Variants in ADAM33 observed in about 807,000 individuals in gnomAD.
ADAM33 encodes the protein ADAM metallopeptidase domain 33.
A neutral mutation model predicts 106.2 loss-of-function variants in ADAM33; 103 were observed. The ratio of observed to expected loss-of-function variants is 0.97; its 90% CI spans 0.83 to 1.14. The LOEUF is 1.14. Ranked by LOEUF, ADAM33 falls within the 50% of genes most tolerant of loss-of-function variation. The pLI is 0.00. For missense variants in ADAM33, 1,120 were observed against 1,096.6 expected, an observed-to-expected ratio of 1.02 and a Z score of -0.30; for synonymous variants, 483 against 453.0, an observed-to-expected ratio of 1.07 and a Z score of -0.84.
chr20:3,670,827 G>C (rs1287337219), intron 19 of ADAM33, among the ~76,000 whole-genome samples, 179 bp downstream of exon 19: 1 of 152,140 alleles, frequency 6.6e-6, no homozygotes, highest in Non-Finnish European at 1.5e-5. Flanking sequence ...CCACCCCCTC[G>C]CTTGACTGGG....
At chr20:3,681,798 G>T in intron 1 of ADAM33, 110 bp downstream of exon 1, 1 of 1,424,434 alleles carries the variant, frequency 7.0e-7, no homozygotes, top group Non-Finnish European at 9.2e-7. Flanking sequence ...GTATGGTGCC[G>T]GGGCCGTGAG....
At position 3,674,250 on chromosome 20, in the gene ADAM33, AGGTACTTCC is replaced by A. The variant is rs2087784044; in HGVS notation, c.626_634del (p.Arg209_Tyr211del). 1 of 1,613,874 alleles carries A rather than the reference AGGTACTTCC, an allele frequency of 6.2e-7. No homozygotes were observed. Among genetic ancestry groups the A allele is most frequent in the Non-Finnish European group, 8.5e-7 (1 of 1,179,988 alleles). On this transcript the variant is annotated inframe_deletion, in exon 7 of 22. Transcript: ENST00000356518. ...GTGGTCTGCCACAATGTACAGTTCC[AGGTACTTCC>A]GGGTCCTGCGCGCTTCTCGCCTGCC...
At position 3,671,157 on chromosome 20, in the gene ADAM33, C is replaced by A. The variant is rs374116738; in HGVS notation, c.2093-4G>T. On this transcript the variant is annotated splice_polypyrimidine_tract_variant and splice_region_variant and intron_variant, in intron 18 of 21. Transcript: ENST00000356518. ...GCCAGCAGGAAGGTGTCATGGTCTG[C>A]GGGGATTGGGGGAAGGGGCGCTGAG... 2.0e-5 allele frequency: 32 copies of A among 1,612,770 alleles called. No homozygotes were observed. The highest frequency in any genetic ancestry group is 1.8e-4 in the East Asian group (8 of 44,850).
At position 3,671,734 on chromosome 20, in the gene ADAM33, G is replaced by A; in HGVS notation, c.1752C>T (p.Ser584=). Reference sequence around the variant, plus strand: ...CTGGCACCATGTGCGGTGCGAGCAGGCTGGGCTTTCCACCCTGGCACTGCA... The same window carrying A: ...CTGGCACCATGTGCGGTGCGAGCAGACTGGGCTTTCCACCCTGGCACTGCA... ...GKLQCQGGKP[S]LLAPHMVPVD... Residue 584 remains serine, a synonymous_variant, in exon 16 of 22, where the codon AGC becomes AGT. Coordinates refer to ENST00000356518, the MANE Select transcript of ADAM33 (RefSeq NM_025220.5). The A allele has an allele frequency of 6.3e-7, 1 of 1,582,562 alleles. No individual in the cohort carries two copies. Among genetic ancestry groups the A allele is most frequent in the South Asian group, 1.2e-5 (1 of 86,650 alleles).
At chr20:3,673,216 A>G (rs1378855343) in intron 11 of ADAM33, 138 bp downstream of exon 11, 4 of 1,533,084 alleles carry the variant, frequency 2.6e-6, no homozygotes, top group Non-Finnish European at 3.5e-6. Flanking sequence ...TAAGCCTCAT[A>G]AACCACCCTG....
At chr20:3,674,998 G>A (rs766036710) in intron 4 of ADAM33, 29 bp downstream of exon 4, 15 of 1,612,944 alleles carry the variant, frequency 9.3e-6, no homozygotes, top group Non-Finnish European at 1.3e-5. Flanking sequence ...CTCTGGCGGT[G>A]CATCCCAGAG....
Position 3,674,213 on chromosome 20 carries a change from C to T in ADAM33, c.666+6G>A. 1 of 1,614,114 alleles carries T rather than the reference C, an allele frequency of 6.2e-7. No homozygotes were observed. Among genetic ancestry groups the T allele is most frequent in the Non-Finnish European group, 8.5e-7 (1 of 1,180,028 alleles). On this transcript the variant is annotated splice_donor_region_variant and intron_variant, in intron 7 of 21. Coordinates refer to ENST00000356518, the MANE Select transcript of ADAM33 (RefSeq NM_025220.5). ...GACCCCGCCAACCCCTGGGGTCTCT[C>T]CTCACCAGGGTGTGGTCTGCCACAA... is the stretch of plus-strand genomic sequence containing the variant.
intron 11 of ADAM33, 22 bp downstream of exon 11, chr20:3,673,332 C>A (rs1257895640): frequency 2.0e-6 from 3 of 1,536,810 alleles, no homozygotes; most frequent in Non-Finnish European, 2.6e-6. Flanking sequence ...CCCGCCGCAG[C>A]CCCGACCCCC....
chr20:3,672,024 G>C (rs770363514), intron 14 of ADAM33, 39 bp from the exon 15 acceptor site: 3 of 1,552,972 alleles, frequency 1.9e-6, no homozygotes, highest in Non-Finnish European at 2.6e-6. Context: ...AGCTCGGAGA[G>C]GGGCTGCGCT....
At chr20:3,676,849 T>C (rs1041564907) in intron 3 of ADAM33, among the ~76,000 whole-genome samples, 6 of 152,222 alleles carry the variant, frequency 3.9e-5, no homozygotes, top group Non-Finnish European at 7.4e-5. Context: ...AAGCCGCTCC[T>C]GGGGTTGGGA....
chr20:3,677,273 C>A, intron 2 of ADAM33, 130 bp from the exon 3 acceptor site: 1 of 675,442 alleles, frequency 1.5e-6, no homozygotes, highest in Middle Eastern at 4.1e-4. Flanking sequence ...GTCAGCAGGA[C>A]CCCCCACATA....
chr20:3,680,880 G>C (rs1007113313), intron 1 of ADAM33, among the ~76,000 whole-genome samples: 2 of 152,194 alleles, frequency 1.3e-5, no homozygotes, highest in African/African-American at 4.8e-5. Context: ...TGGAGCTGGA[G>C]CTGGAGCTCC....
chr20:3,676,968 G>A lies in ADAM33; in HGVS notation c.254+99C>T. The A allele has an allele frequency of 3.1e-6, 4 of 1,285,858 alleles. No homozygotes were observed. The Admixed American group carries it at 8.9e-5, about 29-fold the overall frequency. The allele number at this position is 1,285,858 out of a possible 1,614,324, so 79.7% of individuals were successfully genotyped here. A position where few individuals can be genotyped will look rare whatever the true frequency, so the allele number is the denominator to read the frequency against. ...CTCCCTGTCATCTGCACCCTCTCTG[G>A]GGTCCTCTGCCCATCCAGCCACCCG... On this transcript the variant is annotated intron_variant, in intron 3 of 21. Coordinates refer to ENST00000356518, the MANE Select transcript of ADAM33 (RefSeq NM_025220.5).
intron 14 of ADAM33, 34 bp downstream of exon 14, chr20:3,672,100 G>A (rs1442482435): frequency 6.3e-7 from 1 of 1,598,748 alleles, no homozygotes; most frequent in Non-Finnish European, 8.5e-7. Context: ...CAGAGGATGG[G>A]GGGCAGGGTG....
Position 3,669,306 on chromosome 20 carries a change from G to T in ADAM33, c.2397C>A (p.Asp799Glu). ...ATCCAGGTCCCTGCCTACCTTGGGG[G>T]TCAGGCGAGACTGCTGGCAGAGGCT... Reference protein sequence around the residue: ...PEKPLPAVSPDPQADQVQMPR... With the variant: ...PEKPLPAVSPEPQADQVQMPR... The change falls in exon 21 of 22, where the codon GAC (aspartate) becomes GAA (glutamate). Residue 799 changes from aspartate (D) to glutamate (E), a missense_variant. Physicochemically the swap from Asp to Glu is conservative, Grantham distance 45. Transcript: ENST00000356518. 6.3e-7 allele frequency: 1 copy of T among 1,591,104 alleles called. No individual in the cohort carries two copies. The highest frequency in any genetic ancestry group is 8.5e-7 in the Non-Finnish European group (1 of 1,174,004).
Position 3,675,155 on chromosome 20 carries a change from C to G in ADAM33, c.255-50G>C, listed in dbSNP as rs753019576. 5.7e-6 allele frequency: 8 copies of G among 1,415,558 alleles called. No individual in the cohort carries two copies. The East Asian group carries it at 1.8e-4, about 33-fold the overall frequency. The allele number at this position is 1,415,558 out of a possible 1,614,324, so 87.7% of individuals were successfully genotyped here. ...ACTGAATTCAGCTTCCTCCTGCCTC[C>G]TCCAGGATGTCTCCCAGCCTTCCTC... On this transcript the variant is annotated intron_variant, in intron 3 of 21. Coordinates refer to ENST00000356518, the MANE Select transcript of ADAM33 (RefSeq NM_025220.5). This position sits in a 1 kb window ranked among gnomAD's most constrained non-coding sequence, Gnocchi z 4.1.
intron 11 of ADAM33, 129 bp from the exon 12 acceptor site, chr20:3,673,027 G>A (rs1442366694): frequency 2.1e-6 from 3 of 1,434,466 alleles, no homozygotes; most frequent in Middle Eastern, 2.6e-4. Flanking sequence ...AGTAACCCGC[G>A]CAAAGTCACA....
In ADAM33 at chr20:3,679,969, C is replaced by T. The variant is rs117195172; in HGVS notation, c.98-398G>A. Among the ~76,000 whole-genome samples the T allele has an allele frequency of 1.5e-3, 226 of 152,172 alleles. 1 individual carries two copies. Among genetic ancestry groups the T allele is most frequent in the Non-Finnish European group, 2.7e-3 (183 of 67,978 alleles). ...AGATGCCTTTAGGGTGAGAGATGTA[C>T]GAAGAGAGGACACTTGTGCCCCCCC... On this transcript the variant is annotated intron_variant, in intron 1 of 21. Transcript: ENST00000356518.
In ADAM33 at chr20:3,679,505, C is replaced by A; in HGVS notation, c.164G>T (p.Ser55Ile). Residue 55 changes from serine (S) to isoleucine (I), a missense_variant, in exon 2 of 22, where the codon AGC (serine) becomes ATC (isoleucine). Transcript: ENST00000356518. Reference protein sequence around the residue: ...VLDGQPWRTVSLEEPVSKPDM... With the variant: ...VLDGQPWRTVILEEPVSKPDM... Reference sequence around the variant, plus strand: ...CATGGCACTGACCGGCTCCTCCAGGCTGACGGTGCGCCAGGGTTGTCCATC... The same window carrying A: ...CATGGCACTGACCGGCTCCTCCAGGATGACGGTGCGCCAGGGTTGTCCATC... 6.2e-7 allele frequency: 1 copy of A among 1,608,888 alleles called. No homozygotes were observed. Among genetic ancestry groups the A allele is most frequent in the Non-Finnish European group, 8.5e-7 (1 of 1,177,800 alleles).
Sources: gnomAD v4.1 joint callset for allele counts (sites outside exome capture counted in the v4.1 genomes callset) on GRCh38, gnomAD v4.1.1 for gene constraint, Gnocchi (gnomAD v3.1) non-coding constraint, MANE v1.5 for transcripts, NCBI Gene and HGNC (gene_info 2026-07-23, HGNC 2026-07-21) for gene names.